The following ZNRF1 variants were observed in gnomAD, a reference collection of about 807,000 sequenced individuals.
The protein encoded by ZNRF1 is E3 ubiquitin-protein ligase ZNRF1.
Under a neutral mutation model 18.4 loss-of-function variants are expected in ZNRF1, and 3 were observed. The ratio of observed to expected loss-of-function variants is 0.16; its 90% confidence interval spans 0.07 to 0.42. The LOEUF (loss-of-function observed/expected upper bound fraction) is 0.42, where lower values mean the gene tolerates loss of function less well. Among genes scored for constraint, ZNRF1 ranks in the 10% least tolerant of loss-of-function variants. ZNRF1 has a pLI of 0.99. For synonymous variants in ZNRF1, 157 were observed against 144.2 expected (o/e 1.09, Z -0.64); for missense variants, 310 against 329.8 (o/e 0.94, Z 0.47).
chr16:74,999,777 C>T lies in ZNRF1; in HGVS notation c.106C>T (p.His36Tyr), dbSNP rs1428723751. The T allele has an allele frequency of 7.1e-7, 1 of 1,401,264 alleles. No homozygotes were observed. Among genetic ancestry groups the T allele is most frequent in the African/African-American group, 1.5e-5 (1 of 65,336 alleles). The allele number at this position is 1,401,264 out of a possible 1,614,324, so 86.8% of individuals were successfully genotyped here. A position where few individuals can be genotyped will look rare whatever the true frequency, so the allele number is the denominator to read the frequency against. Residue 36 changes from histidine (H) to tyrosine (Y), a missense_variant, in exon 1 of 5, where the codon CAC becomes TAC. Physicochemically the swap from His to Tyr is moderately conservative, Grantham distance 83 (BLOSUM62 2). Around this residue, in one of 2 missense-constraint regions of ZNRF1, gnomAD observed 293 missense variants for 291.2 expected, o/e 1.01. Transcript: ENST00000335325. ...GCCGGGAGGGGCGCCCCATTTCGGGCACTACCGGACGGGCGGCGGGGCCAT... is the reference window on the plus strand; with the variant it reads ...GCCGGGAGGGGCGCCCCATTTCGGGTACTACCGGACGGGCGGCGGGGCCAT... ...PPPGGAPHFGHYRTGGGAMGL... is the reference protein window; with the variant it reads ...PPPGGAPHFGYYRTGGGAMGL...
chr16:75,062,081 C>T (rs574091769), intron 1 of ZNRF1, among the ~76,000 whole-genome samples: 16 of 152,182 alleles, frequency 1.1e-4, no homozygotes, highest in Admixed American at 2.0e-4. Flanking sequence ...TGTTATGCTA[C>T]GAGATCTAAG....
intron 1 of ZNRF1, among the ~76,000 whole-genome samples, chr16:75,024,681 A>C (rs1360089516): frequency 2.0e-5 from 3 of 152,256 alleles, no homozygotes; most frequent in Admixed American, 2.0e-4. Flanking sequence ...GCCCTGGAGC[A>C]GGTGAGGGAG....
chr16:75,073,128 C>CTT (rs2035891584), intron 1 of ZNRF1, among the ~76,000 whole-genome samples: 2 of 121,652 alleles, frequency 1.6e-5, no homozygotes, highest in Non-Finnish European at 3.5e-5. Context: ...ATCTCTCTCT[C>CTT]TCTCTCTCTC....
intron 2 of ZNRF1, among the ~76,000 whole-genome samples, chr16:75,103,132 A>G (rs569445559): frequency 6.6e-6 from 1 of 152,228 alleles, no homozygotes; most frequent in Non-Finnish European, 1.5e-5. Flanking sequence ...CATCCCTGCT[A>G]GTCTGTGAGC....
intron 1 of ZNRF1, among the ~76,000 whole-genome samples, chr16:75,061,802 C>T (rs536999029): frequency 2.6e-5 from 4 of 152,316 alleles, no homozygotes; most frequent in African/African-American, 7.2e-5. Context: ...CACAATGAGT[C>T]GTCTTGTCAG....
intron 1 of ZNRF1, among the ~76,000 whole-genome samples, chr16:75,081,980 C>G (rs748923521): frequency 2.6e-5 from 4 of 152,168 alleles, no homozygotes; most frequent in African/African-American, 4.8e-5. Flanking sequence ...CAATATTCAT[C>G]TTTCTTAGAC....
chr16:74,999,347 C>T lies in ZNRF1; in HGVS notation c.-325C>T. ...CGCCGCCGCCTCCCTCCCTCCTTCC[C>T]TGCGGCTCCCCCGGCTTTCGGAGCC... On this transcript the variant is annotated 5_prime_UTR_variant, in exon 1 of 5. Coordinates refer to ENST00000335325, the MANE Select transcript of ZNRF1 (RefSeq NM_032268.5). The T allele has an allele frequency of 5.6e-6, 1 of 178,844 alleles. No homozygotes were observed. Among genetic ancestry groups the T allele is most frequent in the Non-Finnish European group, 1.2e-5 (1 of 86,302 alleles). The allele number at this position is 178,844 out of a possible 1,614,324, so 11.1% of individuals were successfully genotyped here.
rs377573668 is a variant in ZNRF1 at position 75,106,586 on chromosome 16, G to C, written c.*32+15G>C. 6.2e-7 allele frequency: 1 copy of C among 1,611,410 alleles called. No homozygotes were observed. The highest frequency in any genetic ancestry group is 1.3e-5 in the African/African-American group (1 of 74,988). On this transcript the variant is annotated intron_variant, in intron 4 of 4. Coordinates refer to ENST00000335325, the MANE Select transcript of ZNRF1 (RefSeq NM_032268.5). ...TCCTCTCAAAGGTGAGCCCGCGTTT[G>C]GGGGTGCTCCGGGCTCAAGGCTTGG... is the stretch of plus-strand genomic sequence containing the variant.
At chr16:75,097,992 G>A (rs891996001) in intron 2 of ZNRF1, among the ~76,000 whole-genome samples, 15 of 152,242 alleles carry the variant, frequency 9.9e-5, no homozygotes. Context: ...TGGGGAAACC[G>A]GGTGCTGGCC....
chr16:75,017,636 A>C (rs543630708), intron 1 of ZNRF1, among the ~76,000 whole-genome samples: 9 of 152,340 alleles, frequency 5.9e-5, no homozygotes, highest in Non-Finnish European at 1.2e-4. Context: ...TGTCACTTAG[A>C]CTAGGCCTAA....
intron 3 of ZNRF1, 163 bp downstream of exon 3, chr16:75,105,052 G>A (rs2036298746): frequency 2.2e-5 from 13 of 591,304 alleles, no homozygotes; most frequent in Non-Finnish European, 3.0e-5. Flanking sequence ...CCACTGTGCC[G>A]GCGGGAAGGT....
At chr16:75,036,273 A>G (rs1241523198) in intron 1 of ZNRF1, among the ~76,000 whole-genome samples, 2 of 151,950 alleles carry the variant, frequency 1.3e-5, no homozygotes, top group Admixed American at 6.6e-5. Flanking sequence ...AGCTCTCCCT[A>G]TGTTGCCTAG....
intron 1 of ZNRF1, among the ~76,000 whole-genome samples, chr16:75,062,298 C>G (rs1215167430): frequency 1.3e-5 from 2 of 152,204 alleles, no homozygotes; most frequent in Non-Finnish European, 2.9e-5. Context: ...ACGAAGGCAG[C>G]AGAGGCCCGT....
chr16:75,062,948 C>T (rs921440461), intron 1 of ZNRF1, among the ~76,000 whole-genome samples: 13 of 152,166 alleles, frequency 8.5e-5, no homozygotes, highest in African/African-American at 3.1e-4. Flanking sequence ...AGATAGTGCC[C>T]CCTTTCTTCA....
At position 75,043,851 on chromosome 16, in the gene ZNRF1, G is replaced by T. The variant is rs114602352; in HGVS notation, c.424+43756G>T. On this transcript the variant is annotated intron_variant, in intron 1 of 4. Transcript: ENST00000335325. ...GTTGCCCAGGCTGGAGGGTAATGAT[G>T]CGATCTCTGCTCACTGCAACCTCCA... 3.4e-3 allele frequency among the ~76,000 whole-genome samples: 490 copies of T among 143,160 alleles called. 2 individuals carry two copies. Among genetic ancestry groups the T allele is most frequent in the African/African-American group, 0.012 (469 of 39,072 alleles). 93.9% of individuals were successfully genotyped at this position (143,160 alleles called of 152,430 possible).
chr16:75,010,547 GGTAT>G (rs1461800091), intron 1 of ZNRF1, among the ~76,000 whole-genome samples: 1 of 151,916 alleles, frequency 6.6e-6, no homozygotes, highest in Non-Finnish European at 1.5e-5. Flanking sequence ...TTCGTATTTA[GGTAT>G]GTATGGTCTC....
intron 2 of ZNRF1, chr16:75,095,766 TCC>T: frequency 6.7e-7 from 1 of 1,502,916 alleles, no homozygotes; most frequent in South Asian, 1.3e-5. Context: ...GCTGTCCAGC[TCC>T]TCTGCCAGAG....
At chr16:75,032,775 C>A (rs1468693280) in intron 1 of ZNRF1, among the ~76,000 whole-genome samples, 1 of 152,088 alleles carries the variant, frequency 6.6e-6, no homozygotes, top group Non-Finnish European at 1.5e-5. Context: ...ATAATACCAG[C>A]ACTTTGGGAG....
intron 1 of ZNRF1, among the ~76,000 whole-genome samples, chr16:75,010,711 G>GGTTTT (rs1555509224): frequency 8.1e-5 from 6 of 74,348 alleles, no homozygotes; most frequent in Admixed American, 3.2e-4. Context: ...GTTTTTTTTT[G>GGTTTT]TTTTTTTGTT....
Sources: allele counts gnomAD v4.1 joint callset (sites outside exome capture counted in the v4.1 genomes callset), GRCh38; gene constraint gnomAD v4.1.1; regional missense constraint gnomAD v4.1.1; transcripts MANE v1.5; gene names NCBI Gene and HGNC (gene_info 2026-07-23, HGNC 2026-07-21).